RASAL2: variants seen among roughly 807,000 people sequenced by gnomAD.
The protein encoded by RASAL2 is ras GTPase-activating protein nGAP.
A neutral mutation model predicts 128.9 loss-of-function variants in RASAL2; 58 were observed. The ratio of observed to expected loss-of-function variants is 0.45; its 90% CI spans 0.36 to 0.56. The LOEUF (loss-of-function observed/expected upper bound fraction) is 0.56. RASAL2 is among the 20% of genes least tolerant of loss of function. The pLI, the probability that RASAL2 is intolerant of heterozygous loss-of-function variation, is 0.00. For synonymous variants in RASAL2, 561 were observed against 580.8 expected (o/e 0.97, Z 0.49); for missense variants, 1,360 against 1,601.6 (o/e 0.85, Z 2.57).
intron 1 of RASAL2, among the ~76,000 whole-genome samples, chr1:178,212,191 A>C (rs1390906236): frequency 1.3e-5 from 2 of 151,294 alleles, no homozygotes; most frequent in South Asian, 2.1e-4. Flanking sequence ...AAAACTTGCC[A>C]AAAAAACGGC....
intron 1 of RASAL2, among the ~76,000 whole-genome samples, chr1:178,146,914 T>C (rs1450475640): frequency 6.6e-6 from 1 of 152,234 alleles, no homozygotes; most frequent in Non-Finnish European, 1.5e-5. Context: ...TGGAGATGTC[T>C]ATATAAAGGG....
chr1:178,140,765 A>G (rs1001529752), intron 1 of RASAL2, among the ~76,000 whole-genome samples: 3 of 152,038 alleles, frequency 2.0e-5, no homozygotes, highest in Middle Eastern at 3.4e-3. Flanking sequence ...AAATTTGTGA[A>G]CTCCTCACAT....
At position 178,472,629 on chromosome 1, in the gene RASAL2, T is replaced by C. The variant is rs535207410; in HGVS notation, c.3679-446T>C. Among the ~76,000 whole-genome samples, 4 of 152,332 alleles carry C rather than the reference T, an allele frequency of 2.6e-5. No individual in the cohort carries two copies. The East Asian group carries it at 7.7e-4, about 29-fold the overall frequency. ...CCAAATGTGACTGATATGCCCTCTT[T>C]TGGGGCTAAGAACCCATAGATCACA... is the stretch of plus-strand genomic sequence containing the variant. On this transcript the variant is annotated intron_variant, in intron 17 of 17. Transcript: ENST00000367649.
chr1:178,427,201 A>T (rs1557980643), intron 5 of RASAL2, among the ~76,000 whole-genome samples: 1 of 152,048 alleles, frequency 6.6e-6, no homozygotes, highest in African/African-American at 2.4e-5. Flanking sequence ...ACACAAAAAG[A>T]CTCTGTGATG....
intron 1 of RASAL2, among the ~76,000 whole-genome samples, chr1:178,181,777 G>GT (rs59729199): frequency 0.033 from 4,698 of 141,894 alleles, 90 homozygotes; most frequent in East Asian, 0.11. Flanking sequence ...GGGATTTGCA[G>GT]TTTTTTTTTT....
chr1:178,190,929 T>C (rs1662473325), intron 1 of RASAL2, among the ~76,000 whole-genome samples: 1 of 152,172 alleles, frequency 6.6e-6, no homozygotes, highest in South Asian at 2.1e-4. Flanking sequence ...AAGGCTTGTC[T>C]CTCAGAAGAA....
At chr1:178,289,686 T>G (rs1667189663) in intron 2 of RASAL2, among the ~76,000 whole-genome samples, 1 of 152,172 alleles carries the variant, frequency 6.6e-6, no homozygotes, top group Non-Finnish European at 1.5e-5. Flanking sequence ...AGAGTCATTT[T>G]CAACATGCCC....
chr1:178,342,896 A>G (rs1252185965), intron 3 of RASAL2, among the ~76,000 whole-genome samples: 1 of 152,202 alleles, frequency 6.6e-6, no homozygotes, highest in Non-Finnish European at 1.5e-5. Flanking sequence ...GTTAGCAGAT[A>G]ATTTAAGTGA....
chr1:178,102,463 C>T (rs1278706598), intron 1 of RASAL2, among the ~76,000 whole-genome samples: 1 of 152,060 alleles, frequency 6.6e-6, no homozygotes, highest in East Asian at 1.9e-4. Flanking sequence ...TTCAGGGGAT[C>T]CTTCCACCTC....
chr1:178,265,773 G>T (rs1216473681), intron 1 of RASAL2, among the ~76,000 whole-genome samples: 1 of 152,162 alleles, frequency 6.6e-6, no homozygotes, highest in Admixed American at 6.5e-5. Context: ...CTTATGTCCT[G>T]TCCCAGACAC....
At chr1:178,174,234 T>G (rs755365751) in intron 1 of RASAL2, among the ~76,000 whole-genome samples, 5 of 152,222 alleles carry the variant, frequency 3.3e-5, no homozygotes, top group Middle Eastern at 6.8e-3. Flanking sequence ...AATTTAGGTC[T>G]TATAGCTCTT....
intron 3 of RASAL2, among the ~76,000 whole-genome samples, chr1:178,342,247 A>C (rs1211800450): frequency 6.6e-6 from 1 of 152,226 alleles, no homozygotes; most frequent in Non-Finnish European, 1.5e-5. Flanking sequence ...TCTATAGTCT[A>C]TTCTCTCCAT....
intron 10 of RASAL2, 77 bp from the exon 11 acceptor site, chr1:178,452,339 T>TG: frequency 8.1e-7 from 1 of 1,241,086 alleles, no homozygotes; most frequent in Admixed American, 1.8e-5. Flanking sequence ...AAAAGTATAT[T>TG]GGGTCAGGGT....
At chr1:178,206,542 A>G (rs192090475) in intron 1 of RASAL2, among the ~76,000 whole-genome samples, 7 of 152,340 alleles carry the variant, frequency 4.6e-5, no homozygotes, top group Admixed American at 1.3e-4. Flanking sequence ...AAGGAATAGA[A>G]CTAATACTGG....
intron 1 of RASAL2, among the ~76,000 whole-genome samples, chr1:178,271,125 C>G (rs1457183003): frequency 6.6e-6 from 1 of 152,176 alleles, no homozygotes; most frequent in African/African-American, 2.4e-5. Flanking sequence ...GCCTCTTAAA[C>G]AGATTTTATA....
At chr1:178,297,205 A>G (rs1454755788) in intron 2 of RASAL2, among the ~76,000 whole-genome samples, 2 of 152,144 alleles carry the variant, frequency 1.3e-5, no homozygotes, top group Admixed American at 6.5e-5. Context: ...TCTCTTAGCT[A>G]TATGCTAAGA....
At chr1:178,253,150 CT>C (rs1289125061) in intron 1 of RASAL2, among the ~76,000 whole-genome samples, 1 of 152,078 alleles carries the variant, frequency 6.6e-6, no homozygotes, top group Non-Finnish European at 1.5e-5. Flanking sequence ...TGCTGACAGT[CT>C]TTGGTGTTTC....
At chr1:178,434,183 A>G (rs944546543) in intron 5 of RASAL2, among the ~76,000 whole-genome samples, 3 of 152,114 alleles carry the variant, frequency 2.0e-5, no homozygotes, top group Non-Finnish European at 4.4e-5. Context: ...CTAGTAGATT[A>G]TATTACCTTT....
chr1:178,386,399 A>G (rs1368259776), intron 3 of RASAL2, among the ~76,000 whole-genome samples: 1 of 152,200 alleles, frequency 6.6e-6, no homozygotes, highest in Non-Finnish European at 1.5e-5. Flanking sequence ...AAAAGGTGAA[A>G]TGGCTTACAC....
Sources: allele counts gnomAD v4.1 joint callset (sites outside exome capture counted in the v4.1 genomes callset), GRCh38; gene constraint gnomAD v4.1.1; transcripts MANE v1.5; gene names NCBI Gene and HGNC (gene_info 2026-07-23, HGNC 2026-07-21).